IMMT: variants seen among roughly 807,000 people sequenced by gnomAD.
IMMT encodes MICOS complex subunit MIC60.
Under a neutral mutation model 92.7 loss-of-function variants are expected in IMMT, and 40 were observed. The observed-to-expected ratio is 0.43, with a 90% CI of 0.34 to 0.56. The LOEUF (loss-of-function observed/expected upper bound fraction) is 0.56. Ranked by LOEUF, IMMT falls within the 20% of genes least tolerant of loss-of-function variation. The pLI is 0.03. For missense variants in IMMT, 831 were observed against 912.1 expected (o/e 0.91, Z 1.14); for synonymous variants, 322 against 336.1 (o/e 0.96, Z 0.46).
Position 86,158,589 on chromosome 2 carries a change from C to T in IMMT, c.1162+3G>A. On this transcript the variant is annotated splice_donor_region_variant and intron_variant, in intron 10 of 14. Transcript: ENST00000410111. ...AAAAAAACATTACTTCAGTTGTACT[C>T]ACTCATTCCTTTCCACCCAGGAAGG... 1.3e-6 allele frequency: 2 copies of T among 1,597,866 alleles called. No individual in the cohort carries two copies. Among genetic ancestry groups the T allele is most frequent in the Non-Finnish European group, 1.7e-6 (2 of 1,170,546 alleles).
chr2:86,192,447 A>G (rs985809605), intron 1 of IMMT, among the ~76,000 whole-genome samples: 1 of 151,222 alleles, frequency 6.6e-6, no homozygotes, highest in Non-Finnish European at 1.5e-5. Context: ...ATCTCTAAAA[A>G]ATCTTTTTAA....
intron 10 of IMMT, among the ~76,000 whole-genome samples, chr2:86,154,176 C>CTTTT (rs564650860): frequency 7.3e-6 from 1 of 136,090 alleles, no homozygotes; most frequent in Non-Finnish European, 1.6e-5. Context: ...CTAAACATTT[C>CTTTT]TTTTTTTTTT....
Position 86,144,081 on chromosome 2 carries a change from CT to C in IMMT, c.*186del. 1.5e-6 allele frequency: 1 copy of C among 669,938 alleles called. No individual in the cohort carries two copies. Among genetic ancestry groups the C allele is most frequent in the Non-Finnish European group, 2.5e-6 (1 of 402,078 alleles). 41.5% of individuals were successfully genotyped at this position (669,938 alleles called of 1,614,324 possible). Reference sequence around the variant, plus strand: ...TGTTACACAAGTTGCAAAGAAAGCACTCCTGGCGTTCACTGACATGATAGCA... The same window carrying C: ...TGTTACACAAGTTGCAAAGAAAGCACCCTGGCGTTCACTGACATGATAGCA... On this transcript the variant is annotated 3_prime_UTR_variant, in exon 15 of 15. Transcript: ENST00000410111.
At chr2:86,188,450 A>G (rs7588325) in intron 1 of IMMT, among the ~76,000 whole-genome samples, 69,700 of 151,666 alleles carry the variant, frequency 0.46, 16,572 homozygotes, top group Non-Finnish European at 0.51. Context: ...TGGAGACAGC[A>G]TCTCACTCTG....
intron 1 of IMMT, among the ~76,000 whole-genome samples, chr2:86,183,799 G>A (rs945432747): frequency 2.0e-5 from 3 of 152,088 alleles, no homozygotes; most frequent in Non-Finnish European, 4.4e-5. Context: ...TAAAGTTCAA[G>A]GATATATATT....
intron 7 of IMMT, among the ~76,000 whole-genome samples, chr2:86,165,308 A>T (rs1356712306): frequency 2.6e-5 from 4 of 152,148 alleles, no homozygotes; most frequent in African/African-American, 9.7e-5. Context: ...GCCTTCCCAT[A>T]TCGGTAACCA....
intron 1 of IMMT, among the ~76,000 whole-genome samples, chr2:86,190,590 G>C (rs1461072844): frequency 6.6e-6 from 1 of 151,962 alleles, no homozygotes; most frequent in East Asian, 1.9e-4. Flanking sequence ...TAGGTCTGAG[G>C]AATAAAAGAA....
intron 7 of IMMT, among the ~76,000 whole-genome samples, chr2:86,164,276 C>T (rs530510093): frequency 2.7e-5 from 4 of 149,366 alleles, no homozygotes; most frequent in African/African-American, 9.8e-5. Flanking sequence ...AGGCTGGTCT[C>T]GAACTCCTGA....
intron 13 of IMMT, among the ~76,000 whole-genome samples, 176 bp from the exon 14 acceptor site, chr2:86,146,373 ATAT>A (rs1558808412): frequency 2.8e-3 from 300 of 106,324 alleles, no homozygotes; most frequent in African/African-American, 0.012. Flanking sequence ...TGTATATAAT[ATAT>A]TTTTTTTTTT....
chr2:86,146,501 G>A (rs1558808552), intron 13 of IMMT, among the ~76,000 whole-genome samples: 2 of 151,666 alleles, frequency 1.3e-5, no homozygotes, highest in Non-Finnish European at 2.9e-5. Flanking sequence ...CTCCCAAGTA[G>A]CTGGGATTAC....
At chr2:86,150,777 T>C (rs989505615) in intron 12 of IMMT, among the ~76,000 whole-genome samples, 4 of 152,202 alleles carry the variant, frequency 2.6e-5, no homozygotes, top group Non-Finnish European at 5.9e-5. Flanking sequence ...TTCTTACACT[T>C]CTGCATCTGC....
At chr2:86,190,692 AATAAGGCAG>A (rs1294095577) in intron 1 of IMMT, among the ~76,000 whole-genome samples, 8 of 152,242 alleles carry the variant, frequency 5.3e-5, no homozygotes, top group Admixed American at 3.9e-4. Flanking sequence ...AAACATAAAG[AATAAGGCAG>A]ATACTGTGTC....
intron 13 of IMMT, among the ~76,000 whole-genome samples, chr2:86,146,966 G>T (rs1351480149): frequency 6.6e-6 from 1 of 151,972 alleles, no homozygotes; most frequent in Admixed American, 6.6e-5. Context: ...TCGCCATGTT[G>T]GGCAGGCTGG....
chr2:86,173,596 A>G, intron 4 of IMMT, 54 bp downstream of exon 4: 1 of 1,011,514 alleles, frequency 9.9e-7, no homozygotes, highest in Non-Finnish European at 1.5e-6. Context: ...AAAAAAAAGA[A>G]TTGGTGAAGA....
intron 4 of IMMT, among the ~76,000 whole-genome samples, chr2:86,173,339 G>A (rs1485358937): frequency 6.6e-6 from 1 of 152,194 alleles, no homozygotes; most frequent in Non-Finnish European, 1.5e-5. Flanking sequence ...CCAGCACTTT[G>A]GGAGGCCGAG....
intron 10 of IMMT, among the ~76,000 whole-genome samples, chr2:86,154,087 C>T (rs1276024298): frequency 6.6e-6 from 1 of 152,096 alleles, no homozygotes; most frequent in Non-Finnish European, 1.5e-5. Context: ...TGGTCTCAAA[C>T]TCCCGGGCTC....
At chr2:86,166,325 C>T (rs1418900141) in intron 7 of IMMT, among the ~76,000 whole-genome samples, 183 bp downstream of exon 7, 1 of 152,134 alleles carries the variant, frequency 6.6e-6, no homozygotes, top group Non-Finnish European at 1.5e-5. Context: ...AGCAAGACTC[C>T]GTCTCAAAAC....
intron 6 of IMMT, among the ~76,000 whole-genome samples, chr2:86,170,252 T>TA (rs1676988103): frequency 6.6e-6 from 1 of 152,108 alleles, no homozygotes; most frequent in South Asian, 2.1e-4. Context: ...CCTGTGTCTA[T>TA]AAAAAATTTT....
chr2:86,147,896 G>T, intron 12 of IMMT, 63 bp from the exon 13 acceptor site: 2 of 1,527,562 alleles, frequency 1.3e-6, no homozygotes, highest in Non-Finnish European at 8.9e-7. Flanking sequence ...TAGGAAAACA[G>T]AAAGACCACT....
Sources: gnomAD v4.1 joint callset for allele counts (sites outside exome capture counted in the v4.1 genomes callset) on GRCh38, gnomAD v4.1.1 for gene constraint, MANE v1.5 for transcripts, NCBI Gene and HGNC (gene_info 2026-07-23, HGNC 2026-07-21) for gene names.